Variants in FFAR4 observed in about 807,000 individuals in gnomAD.
FFAR4 encodes G-protein coupled receptor 120.
FFAR4 carries 19 observed loss-of-function variants against 27.0 expected under a neutral mutation model. That is an observed-to-expected ratio of 0.70 (90% CI 0.49 to 1.03). The LOEUF (loss-of-function observed/expected upper bound fraction) is 1.03. Among genes scored for constraint, FFAR4 ranks in the 50% least tolerant of loss-of-function variants. FFAR4 has a pLI of 0.00. For missense variants in FFAR4, 476 were observed against 479.0 expected (o/e 0.99, Z 0.06); for synonymous variants, 254 against 215.6 (o/e 1.18, Z -1.56).
At chr10:93,585,970 C>T (rs116592206) in intron 2 of FFAR4, among the ~76,000 whole-genome samples, 2,492 of 152,316 alleles carry the variant, frequency 0.016, 90 homozygotes, top group African/African-American at 0.057. Flanking sequence ...CATTTTCTCC[C>T]GCTCCTGCAA....
At chr10:93,584,798 C>T (rs2058217927) in intron 2 of FFAR4, among the ~76,000 whole-genome samples, 1 of 152,126 alleles carries the variant, frequency 6.6e-6, no homozygotes, top group African/African-American at 2.4e-5. Flanking sequence ...CCTCCACCTC[C>T]TGGGATCAAG....
At chr10:93,576,337 T>C in intron 2 of FFAR4, 118 bp downstream of exon 2, 1 of 1,005,658 alleles carries the variant, frequency 9.9e-7, no homozygotes, top group Non-Finnish European at 1.5e-6. Flanking sequence ...CAATCTTGAT[T>C]CACTGCCCAG....
At chr10:93,577,373 G>C (rs2058170187) in intron 2 of FFAR4, among the ~76,000 whole-genome samples, 1 of 152,160 alleles carries the variant, frequency 6.6e-6, no homozygotes, top group Non-Finnish European at 1.5e-5. Context: ...TTGCAGCTAA[G>C]GGTCTGTAAC....
chr10:93,571,802 A>C (rs1171472946), intron 1 of FFAR4, among the ~76,000 whole-genome samples: 1 of 152,206 alleles, frequency 6.6e-6, no homozygotes, highest in African/African-American at 2.4e-5. Flanking sequence ...AGGTTCTTAA[A>C]ATAATCTTGA....
In FFAR4 at chr10:93,579,674, C is replaced by G. The variant is rs183157671; in HGVS notation, c.696+3455C>G. On this transcript the variant is annotated intron_variant, in intron 2 of 2. Coordinates refer to ENST00000371481, the MANE Select transcript of FFAR4 (RefSeq NM_001195755.2). ...TATATTCCTATGCCTAGATCAGAGC[C>G]TGGCTCATTCATTGTAGGTGCTCAA... Among the ~76,000 whole-genome samples, 3 of 152,288 alleles carry G rather than the reference C, an allele frequency of 2.0e-5. No homozygotes were observed. In the East Asian group the frequency reaches 5.8e-4, roughly 29 times the overall value.
At chr10:93,569,926 GCAT>G (rs1371243901) in intron 1 of FFAR4, among the ~76,000 whole-genome samples, 6 of 151,856 alleles carry the variant, frequency 4.0e-5, no homozygotes, top group Admixed American at 6.6e-5. Flanking sequence ...GGGTGTGGTG[GCAT>G]GCACCTGTAG....
At position 93,589,062 on chromosome 10, in the gene FFAR4, G is replaced by A. The variant is rs1176189705; in HGVS notation, c.*1453G>A. 2 of 152,280 alleles carry A rather than the reference G, an allele frequency of 1.3e-5. No individual in the cohort carries two copies. Among genetic ancestry groups the A allele is most frequent in the African/African-American group, 2.4e-5 (1 of 41,468 alleles). 9.4% of individuals were successfully genotyped at this position (152,280 alleles called of 1,614,324 possible). On this transcript the variant is annotated 3_prime_UTR_variant, in exon 3 of 3. Coordinates refer to ENST00000371481, the MANE Select transcript of FFAR4 (RefSeq NM_001195755.2). ...GACACAGAAGAGATGTTAGTGCAAG[G>A]AGGCTGACACGCTTGAAGGGAGAGT... is the stretch of plus-strand genomic sequence containing the variant.
intron 2 of FFAR4, among the ~76,000 whole-genome samples, chr10:93,582,028 A>G (rs2058200209): frequency 6.6e-6 from 1 of 152,202 alleles, no homozygotes; most frequent in Non-Finnish European, 1.5e-5. Context: ...TTAATCCTCA[A>G]AAGTTAATTG....
In FFAR4 at chr10:93,567,286, A is replaced by C; in HGVS notation, c.566A>C (p.Gln189Pro). 6.3e-7 allele frequency: 1 copy of C among 1,597,878 alleles called. No homozygotes were observed. Among genetic ancestry groups the C allele is most frequent in the Non-Finnish European group, 8.5e-7 (1 of 1,179,172 alleles). The change falls in exon 1 of 3, where the codon CAG becomes CCG. Residue 189 changes from glutamine (Q) to proline (P), a missense_variant and splice_region_variant. Physicochemically the swap from Gln to Pro is moderately conservative, Grantham distance 76. Transcript: ENST00000371481. ...CCGCAACGGCTCCCCGGCGCCGACCAGGTGAGCGCCCCTCTGTGTGTGCCG... is the reference window on the plus strand; with the variant it reads ...CCGCAACGGCTCCCCGGCGCCGACCCGGTGAGCGCCCCTCTGTGTGTGCCG... ...VVPQRLPGAD[Q>P]EISICTLIWP...
intron 2 of FFAR4, among the ~76,000 whole-genome samples, chr10:93,582,273 G>A (rs953144836): frequency 1.1e-4 from 16 of 151,982 alleles, no homozygotes; most frequent in African/African-American, 2.7e-4. Flanking sequence ...GGCCAGGTGC[G>A]GTGGCTCACA....
chr10:93,577,196 G>C (rs112914808), intron 2 of FFAR4, among the ~76,000 whole-genome samples: 24 of 152,320 alleles, frequency 1.6e-4, no homozygotes, highest in African/African-American at 4.1e-4. Flanking sequence ...CCATGTTTAT[G>C]CCCATTTTAG....
In FFAR4 at chr10:93,588,582, G is replaced by A. The variant is rs2058244459; in HGVS notation, c.*973G>A. The A allele has an allele frequency of 1.3e-5, 2 of 152,164 alleles. No individual in the cohort carries two copies. The highest frequency in any genetic ancestry group is 2.9e-5 in the Non-Finnish European group (2 of 68,026). The allele number at this position is 152,164 out of a possible 1,614,324, so 9.4% of individuals were successfully genotyped here. A position where few individuals can be genotyped will look rare whatever the true frequency, so the allele number is the denominator to read the frequency against. On this transcript the variant is annotated 3_prime_UTR_variant, in exon 3 of 3. Transcript: ENST00000371481. ...ATGGCAGACAGTGTCCTTTGTGCTAGGAATACAGTGGTGAACCAGACAGCC... is the reference window on the plus strand; with the variant it reads ...ATGGCAGACAGTGTCCTTTGTGCTAAGAATACAGTGGTGAACCAGACAGCC...
chr10:93,567,162 C>A lies in FFAR4; in HGVS notation c.442C>A (p.Arg148=), dbSNP rs865928617. The part of the protein sequence containing the change: ...VCIVHLQRGV[R]GPGRRARAVL... ...CATCGTGCACCTGCAGCGCGGCGTG[C>A]GGGGTCCTGGGCGGCGGGCGCGGGC... The change falls in exon 1 of 3, where the codon CGG becomes AGG. Residue 148 remains arginine (R), a synonymous_variant. Transcript: ENST00000371481. The A allele has an allele frequency of 6.2e-7, 1 of 1,604,386 alleles. No individual in the cohort carries two copies. The highest frequency in any genetic ancestry group is 1.1e-5 in the South Asian group (1 of 90,666).
At chr10:93,584,042 G>A (rs558063495) in intron 2 of FFAR4, among the ~76,000 whole-genome samples, 252 of 151,018 alleles carry the variant, frequency 1.7e-3, no homozygotes, top group Admixed American at 3.3e-3. Flanking sequence ...ACTCAGAGGC[G>A]GTACCAATTC....
chr10:93,583,195 G>T (rs1167781342), intron 2 of FFAR4, among the ~76,000 whole-genome samples: 1 of 148,274 alleles, frequency 6.7e-6, no homozygotes, highest in East Asian at 2.0e-4. Context: ...GAGGTCAGGA[G>T]TTCGAGACCA....
Position 93,566,931 on chromosome 10 carries a change from C to G in FFAR4, c.211C>G (p.Arg71Gly). The change falls in exon 1 of 3, where the codon CGC (arginine) becomes GGC (glycine). Residue 71 changes from arginine (R) to glycine (G), a missense_variant. By Grantham distance (125) the Arg-to-Gly change is moderately radical. Transcript: ENST00000371481. ...GGTGCTGGTGGCGCGCCGACGACGC[C>G]GCGGCGCGACTGCCTGCCTGGTACT... The part of the protein sequence containing the change: ...ALVLVARRRR[R>G]GATACLVLNL... 1 of 1,609,926 alleles carries G rather than the reference C, an allele frequency of 6.2e-7. No individual in the cohort carries two copies. Among genetic ancestry groups the G allele is most frequent in the Non-Finnish European group, 8.5e-7 (1 of 1,179,112 alleles).
Position 93,584,188 on chromosome 10 carries a change from C to A in FFAR4, c.697-3032C>A, listed in dbSNP as rs1386229395. Among the ~76,000 whole-genome samples the A allele has an allele frequency of 6.6e-5, 10 of 152,330 alleles. No individual in the cohort carries two copies. The East Asian group carries it at 1.7e-3, about 26-fold the overall frequency. ...TTGATTCTACATAATGACTTCCAGA[C>A]TTGGATGTGCCAATATGGCCTCTGG... On this transcript the variant is annotated intron_variant, in intron 2 of 2. Coordinates refer to ENST00000371481, the MANE Select transcript of FFAR4 (RefSeq NM_001195755.2).
chr10:93,588,067 G>A lies in FFAR4; in HGVS notation c.*458G>A, dbSNP rs1258567719. The A allele has an allele frequency of 4.0e-5, 6 of 151,704 alleles. No homozygotes were observed. The South Asian group carries it at 1.3e-3, about 32-fold the overall frequency. The allele number at this position is 151,704 out of a possible 1,614,324, so 9.4% of individuals were successfully genotyped here. On this transcript the variant is annotated 3_prime_UTR_variant, in exon 3 of 3. Transcript: ENST00000371481. The stretch of plus-strand genomic sequence containing the variant: ...GATCGTGCCATTGCACTCCAACCAG[G>A]GCAACAAGAGTGAAACTCCATCTTA...
chr10:93,567,112 C>T lies in FFAR4; in HGVS notation c.392C>T (p.Ala131Val), dbSNP rs755943138. The T allele has an allele frequency of 2.5e-6, 4 of 1,608,740 alleles. No individual in the cohort carries two copies. In the African/African-American group the frequency reaches 4.0e-5, roughly 16 times the overall value. The change falls in exon 1 of 3, where the codon GCG becomes GTG. Residue 131 changes from alanine (A) to valine (V), a missense_variant. Ala to Val is a moderately conservative substitution (Grantham distance 64). Coordinates refer to ENST00000371481, the MANE Select transcript of FFAR4 (RefSeq NM_001195755.2). ...SGSVTILTLAAVSLERMVCIV... is the reference protein window; with the variant it reads ...SGSVTILTLAVVSLERMVCIV... Reference sequence around the variant, plus strand: ...AGCGTCACCATCCTCACGCTGGCCGCGGTCAGCCTGGAGCGCATGGTGTGC... The same window carrying T: ...AGCGTCACCATCCTCACGCTGGCCGTGGTCAGCCTGGAGCGCATGGTGTGC...
Sources: allele counts gnomAD v4.1 joint callset (sites outside exome capture counted in the v4.1 genomes callset), GRCh38; gene constraint gnomAD v4.1.1; transcripts MANE v1.5; gene names NCBI Gene and HGNC (gene_info 2026-07-23, HGNC 2026-07-21).